NEK4: variants seen among roughly 807,000 people sequenced by gnomAD.
NEK4 encodes the protein serine/threonine-protein kinase Nek4.
NEK4 carries 86 observed loss-of-function variants against 98.4 expected under a neutral mutation model. That is an observed-to-expected ratio of 0.87 (90% CI 0.73 to 1.05). NEK4 has a LOEUF of 1.05. Ranked by LOEUF, NEK4 falls within the 50% of genes least tolerant of loss-of-function variation. The pLI is 0.00. For missense variants in NEK4, 898 were observed against 950.3 expected, an observed-to-expected ratio of 0.94 and a Z score of 0.72; for synonymous variants, 328 against 342.2, an observed-to-expected ratio of 0.96 and a Z score of 0.46.
intron 9 of NEK4, 61 bp downstream of exon 9, chr3:52,746,673 G>T: frequency 1.4e-6 from 2 of 1,461,494 alleles, no homozygotes; most frequent in Non-Finnish European, 1.9e-6. Context: ...ATTGTTAATT[G>T]CTCTAAATAG....
chr3:52,752,436 G>T, intron 6 of NEK4, 100 bp from the exon 7 acceptor site: 6 of 1,140,876 alleles, frequency 5.3e-6, no homozygotes, highest in Non-Finnish European at 7.5e-6. Flanking sequence ...GTTAAACATA[G>T]AATTAACATA....
intron 4 of NEK4, 44 bp downstream of exon 4, chr3:52,765,843 G>T: frequency 8.7e-7 from 1 of 1,152,242 alleles, no homozygotes; most frequent in Non-Finnish European, 1.3e-6. Context: ...TTATAAAGCT[G>T]CACTATAGAA....
intron 5 of NEK4, 134 bp downstream of exon 5, chr3:52,763,336 A>T: frequency 1.1e-6 from 1 of 920,892 alleles, no homozygotes; most frequent in Non-Finnish European, 1.6e-6. Context: ...TGCCTCCTCT[A>T]CATATGTAAT....
At position 52,770,875 on chromosome 3, in the gene NEK4, C is replaced by T; in HGVS notation, c.-129G>A. The T allele has an allele frequency of 2.5e-6, 2 of 789,592 alleles. No individual in the cohort carries two copies. Among genetic ancestry groups the T allele is most frequent in the Non-Finnish European group, 4.0e-6 (2 of 496,400 alleles). The allele number at this position is 789,592 out of a possible 1,614,324, so 48.9% of individuals were successfully genotyped here. Reference sequence around the variant, plus strand: ...GGCTGTTGAGGCAGCCGGGCCCGGGCGGGATTGCTGGGGCCCGGCCCGCGA... The same window carrying T: ...GGCTGTTGAGGCAGCCGGGCCCGGGTGGGATTGCTGGGGCCCGGCCCGCGA... On this transcript the variant is annotated 5_prime_UTR_variant, in exon 1 of 16. Coordinates refer to ENST00000233027, the MANE Select transcript of NEK4 (RefSeq NM_003157.6).
At chr3:52,740,032 T>C (rs1319941038) in intron 13 of NEK4, among the ~76,000 whole-genome samples, 1 of 152,208 alleles carries the variant, frequency 6.6e-6, no homozygotes, top group African/African-American at 2.4e-5. Flanking sequence ...CCCCAGATTC[T>C]GTGTACAAAT....
intron 15 of NEK4, among the ~76,000 whole-genome samples, chr3:52,735,474 GCAC>G (rs1302791843): frequency 6.6e-6 from 1 of 152,196 alleles, no homozygotes; most frequent in Non-Finnish European, 1.5e-5. Context: ...TCTTGGATAA[GCAC>G]CAAAGTTGAA....
At chr3:52,737,869 A>T in intron 14 of NEK4, 150 bp from the exon 15 acceptor site, 1 of 557,910 alleles carries the variant, frequency 1.8e-6, no homozygotes, top group Non-Finnish European at 2.9e-6. Flanking sequence ...GCTGGAGTGC[A>T]GTGGCACGAT....
At chr3:52,712,116 T>C (rs185273836) in intron 15 of NEK4, among the ~76,000 whole-genome samples, 21 of 152,360 alleles carry the variant, frequency 1.4e-4, no homozygotes, top group African/African-American at 5.1e-4. Context: ...ATTAATAGCA[T>C]TCGTATATAA....
At chr3:52,755,073 CAAAAAA>C (rs201856002) in intron 6 of NEK4, among the ~76,000 whole-genome samples, 3 of 47,024 alleles carry the variant, frequency 6.4e-5, no homozygotes, top group African/African-American at 2.5e-4. Context: ...GACTCCGTCT[CAAAAAA>C]AAAAAAAAGA....
intron 6 of NEK4, among the ~76,000 whole-genome samples, chr3:52,759,586 C>T (rs12497998): frequency 0.46 from 69,479 of 151,842 alleles, 16,217 homozygotes; most frequent in African/African-American, 0.52. Flanking sequence ...TAATTAGTGC[C>T]GGCAAAGATG....
intron 6 of NEK4, among the ~76,000 whole-genome samples, chr3:52,759,779 A>C (rs1227105807): frequency 6.6e-6 from 1 of 152,246 alleles, no homozygotes; most frequent in Non-Finnish European, 1.5e-5. Flanking sequence ...CAGGTACTCA[A>C]CTACTTGCAC....
intron 8 of NEK4, among the ~76,000 whole-genome samples, chr3:52,747,900 A>T (rs114732353): frequency 6.6e-6 from 1 of 152,046 alleles, no homozygotes; most frequent in African/African-American, 2.4e-5. Flanking sequence ...AGCTGTGATC[A>T]TGCCACTGTC....
In NEK4 at chr3:52,765,351, C is replaced by CA. The variant is rs1264958886; in HGVS notation, c.666+535dup. 8.0e-3 allele frequency among the ~76,000 whole-genome samples: 467 copies of CA among 58,652 alleles called. 1 individual carries two copies. The highest frequency in any genetic ancestry group is 0.015 in the African/African-American group (235 of 15,416). The allele number at this position is 58,652 out of a possible 152,430, so 38.5% of individuals were successfully genotyped here. ...GGGAGACAAGAGCAAAACTCCATCT[C>CA]AAAAAAAAAAAAACAAAAAAAAAAA... is the stretch of plus-strand genomic sequence containing the variant. On this transcript the variant is annotated intron_variant, in intron 4 of 15. Transcript: ENST00000233027.
At chr3:52,764,630 CA>C (rs1173451270) in intron 4 of NEK4, among the ~76,000 whole-genome samples, 71 of 132,558 alleles carry the variant, frequency 5.4e-4, no homozygotes, top group Middle Eastern at 3.9e-3. Context: ...GACTCTGTCT[CA>C]AAAAAAAAAA....
chr3:52,749,699 TG>T lies in NEK4; in HGVS notation c.1498del (p.His500ThrfsTer12). ...AAAAACTGCAAAAATTACCTGGGCG[TG>T]GTGGCACACGCCTGTAATCCCAGCT... ...RVAGITGVCHHAQDQVAGECI... is the reference protein window; with the variant it reads ...RVAGITGVCHXAQDQVAGECI... On this transcript the variant is annotated frameshift_variant, in exon 8 of 16. Transcript: ENST00000233027. LOFTEE classifies it high-confidence loss of function. The T allele has an allele frequency of 7.8e-6, 2 of 256,562 alleles. No individual in the cohort carries two copies. Among genetic ancestry groups the T allele is most frequent in the South Asian group, 3.4e-5 (1 of 29,414 alleles). 15.9% of individuals were successfully genotyped at this position (256,562 alleles called of 1,614,324 possible).
chr3:52,770,471 TAGA>T lies in NEK4; in HGVS notation c.93+180_93+182del, dbSNP rs1362799697. On this transcript the variant is annotated intron_variant, in intron 1 of 15. Coordinates refer to ENST00000233027, the MANE Select transcript of NEK4 (RefSeq NM_003157.6). Reference sequence around the variant, plus strand: ...AAAAAAATTTAACACAACAAAGAAGTAGAAGTAGTTCTGGGCGCATATTACAGG... The same window carrying T: ...AAAAAAATTTAACACAACAAAGAAGTAGTAGTTCTGGGCGCATATTACAGG... Among the ~76,000 whole-genome samples, 62 of 148,690 alleles carry T rather than the reference TAGA, an allele frequency of 4.2e-4. 1 individual carries two copies. The highest frequency in any genetic ancestry group is 3.0e-5 in the Non-Finnish European group (2 of 67,246).
chr3:52,736,174 A>C (rs957475262), intron 15 of NEK4, among the ~76,000 whole-genome samples: 4 of 152,242 alleles, frequency 2.6e-5, no homozygotes, highest in Non-Finnish European at 4.4e-5. Flanking sequence ...CCAGGTACTT[A>C]AAATACAAGT....
At chr3:52,717,227 G>A (rs1351234752) in intron 15 of NEK4, among the ~76,000 whole-genome samples, 1 of 152,020 alleles carries the variant, frequency 6.6e-6, no homozygotes, top group Admixed American at 6.6e-5. Flanking sequence ...GGCCAACATG[G>A]TGAAACCGCA....
At chr3:52,740,412 C>T (rs945328779) in intron 13 of NEK4, among the ~76,000 whole-genome samples, 4 of 151,458 alleles carry the variant, frequency 2.6e-5, no homozygotes, top group Admixed American at 6.6e-5. Flanking sequence ...ATTAAATACA[C>T]GGGATAGGAT....
Sources: gnomAD v4.1 joint callset for allele counts (sites outside exome capture counted in the v4.1 genomes callset) on GRCh38, gnomAD v4.1.1 for gene constraint, MANE v1.5 for transcripts, NCBI Gene and HGNC (gene_info 2026-07-23, HGNC 2026-07-21) for gene names.